Variants in ZNF568 observed in about 807,000 individuals in gnomAD.
The protein encoded by ZNF568 is zinc finger protein 568.
Under a neutral mutation model 18.1 loss-of-function variants are expected in ZNF568, and 11 were observed. That is an observed-to-expected ratio of 0.61 (90% confidence interval 0.38 to 1.00). The LOEUF (loss-of-function observed/expected upper bound fraction) is 1.00. Ranked by LOEUF, ZNF568 falls within the 50% of genes least tolerant of loss-of-function variation. ZNF568 has a pLI of 0.01. For synonymous variants in ZNF568, 213 were observed against 246.6 expected, an observed-to-expected ratio of 0.86 and a Z score of 1.28; for missense variants, 639 against 768.2, an observed-to-expected ratio of 0.83 and a Z score of 1.99.
chr19:36,995,164 G>A (rs137943998), intron 4 of ZNF568, among the ~76,000 whole-genome samples: 89 of 152,178 alleles, frequency 5.8e-4, no homozygotes, highest in African/African-American at 2.0e-3. Flanking sequence ...TTGGAAGGCC[G>A]AGGTGGGCAG....
intron 4 of ZNF568, among the ~76,000 whole-genome samples, chr19:36,995,860 C>T (rs2074465952): frequency 6.6e-6 from 1 of 152,120 alleles, no homozygotes; most frequent in South Asian, 2.1e-4. Context: ...CTATTATTGT[C>T]ATACAAATTA....
At chr19:36,997,142 G>A (rs1220418159) in exon 5 of ZNF568, 1 of 1,578,996 alleles carries the variant, frequency 6.3e-7, no homozygotes, top group East Asian at 2.3e-5. Flanking sequence ...TGCAGGGAGT[G>A]TGGAAAGGTG....
intron 6 of ZNF568, among the ~76,000 whole-genome samples, chr19:36,948,658 ATT>A (rs4069585): frequency 4.7e-4 from 39 of 83,562 alleles, no homozygotes; most frequent in South Asian, 3.6e-3. Flanking sequence ...TTTGTTGTTG[ATT>A]TTTTTTTTTT....
intron 2 of ZNF568, among the ~76,000 whole-genome samples, chr19:36,986,220 G>A (rs2595546): frequency 0.53 from 80,786 of 151,650 alleles, 21,998 homozygotes; most frequent in African/African-American, 0.61. Flanking sequence ...TTTTCCTAGC[G>A]GACCCTAGGA....
At chr19:36,996,258 A>G in intron 4 of ZNF568, 1 of 1,261,950 alleles carries the variant, frequency 7.9e-7, no homozygotes, top group South Asian at 1.6e-5. Context: ...TACTTTCAGG[A>G]CTTTTCTTTG....
intron 6 of ZNF568, among the ~76,000 whole-genome samples, chr19:36,968,150 C>A (rs931453174): frequency 6.6e-6 from 1 of 151,992 alleles, no homozygotes; most frequent in Non-Finnish European, 1.5e-5. Flanking sequence ...CCATAATATC[C>A]ATACATGGTA....
rs140144622 is a variant in ZNF568, at chr19:36,950,644, G to A, written c.1491G>A (p.Thr497=). The stretch of plus-strand genomic sequence containing the variant: ...TCATTCGACACCAGAGAATTCATAC[G>A]GGTGAGAAACCCTATGCATGTACAG... The part of the protein sequence containing the change: ...SNLIRHQRIH[T]GEKPYACTVC... Residue 497 remains threonine, a synonymous_variant, in exon 7 of 7, where the codon ACG becomes ACA. Coordinates refer to ENST00000333987, the MANE Select transcript of ZNF568 (RefSeq NM_198539.4). 0.025 allele frequency: 40,899 copies of A among 1,613,180 alleles called. 628 individuals are homozygous for A. Among genetic ancestry groups the A allele is most frequent in the Non-Finnish European group, 0.029 (34,148 of 1,179,764 alleles).
At chr19:36,941,925 CTA>C (rs1341642030) in intron 6 of ZNF568, among the ~76,000 whole-genome samples, 3 of 147,646 alleles carry the variant, frequency 2.0e-5, no homozygotes, top group Non-Finnish European at 4.5e-5. Context: ...CTTTTTTTAA[CTA>C]TCTCTTTTGT....
intron 2 of ZNF568, among the ~76,000 whole-genome samples, chr19:36,988,518 G>A (rs1568408740): frequency 6.6e-6 from 1 of 152,140 alleles, no homozygotes; most frequent in Non-Finnish European, 1.5e-5. Context: ...CAGGGAAGGT[G>A]CGGGACACTT....
In ZNF568 at chr19:36,949,628, G is replaced by T; in HGVS notation, c.475G>T (p.Ala159Ser). The T allele has an allele frequency of 6.2e-7, 1 of 1,613,704 alleles. No homozygotes were observed. Among genetic ancestry groups the T allele is most frequent in the Non-Finnish European group, 8.5e-7 (1 of 1,179,820 alleles). ...KEKVIECKKV[A>S]KIFPLSSDIV... ...AAAAGTCATTGAATGTAAAAAAGTT[G>T]CGAAAATATTTCCTCTGAGTTCAGA... The change falls in exon 7 of 7, where the codon GCG (alanine) becomes TCG (serine). Residue 159 changes from alanine (A) to serine (S), a missense_variant. Ala to Ser is a moderately conservative substitution (Grantham distance 99, BLOSUM62 1). Transcript: ENST00000333987.
At chr19:36,957,943 TC>T (rs2074120277) in intron 6 of ZNF568, among the ~76,000 whole-genome samples, 2 of 152,226 alleles carry the variant, frequency 1.3e-5, no homozygotes, top group Non-Finnish European at 2.9e-5. Flanking sequence ...TTGAGGAAGT[TC>T]CCTTTATTCC....
intron 6 of ZNF568, among the ~76,000 whole-genome samples, chr19:36,962,263 G>T (rs2074157593): frequency 1.2e-5 from 1 of 86,378 alleles, no homozygotes; most frequent in African/African-American, 4.0e-5. Context: ...TTTCATGATG[G>T]TAAGTGTTGC....
chr19:36,979,982 C>A (rs1168944373), downstream of ZNF568: 2 of 152,008 alleles, frequency 1.3e-5, no homozygotes. Flanking sequence ...TTGAGCCCCC[C>A]ACCCCCGCAA....
intron 6 of ZNF568, among the ~76,000 whole-genome samples, chr19:36,971,434 A>T (rs2074235158): frequency 6.6e-6 from 1 of 152,090 alleles, no homozygotes; most frequent in Non-Finnish European, 1.5e-5. Flanking sequence ...ATGAAATGTT[A>T]TAAGTAATGT....
chr19:36,935,227 A>G (rs1004384380), intron 4 of ZNF568, among the ~76,000 whole-genome samples: 2 of 151,928 alleles, frequency 1.3e-5, no homozygotes, highest in Admixed American at 6.6e-5. Flanking sequence ...TGAGTCTTCT[A>G]TTTTCTTGCT....
intron 1 of ZNF568, among the ~76,000 whole-genome samples, chr19:36,917,240 A>C (rs1193742658): frequency 6.6e-6 from 1 of 152,188 alleles, no homozygotes; most frequent in Non-Finnish European, 1.5e-5. Flanking sequence ...TCTCAGGCCA[A>C]AAGGACATTT....
chr19:36,951,307 A>G lies in ZNF568; in HGVS notation c.*219A>G. On this transcript the variant is annotated 3_prime_UTR_variant, in exon 7 of 7. Transcript: ENST00000333987. ...TAGACTGAATGCAGTTCCAAACAAA[A>G]TCAACTAAGAATTTTCTAGGATCTT... is the stretch of plus-strand genomic sequence containing the variant. The G allele has an allele frequency of 2.7e-6, 1 of 371,788 alleles. No individual in the cohort carries two copies. Among genetic ancestry groups the G allele is most frequent in the Non-Finnish European group, 4.7e-6 (1 of 212,916 alleles). 23.0% of individuals were successfully genotyped at this position (371,788 alleles called of 1,614,324 possible).
At chr19:36,993,247 T>C (rs1342433933) in intron 4 of ZNF568, among the ~76,000 whole-genome samples, 2 of 152,218 alleles carry the variant, frequency 1.3e-5, no homozygotes, top group Non-Finnish European at 2.9e-5. Flanking sequence ...TTTGATTACA[T>C]TGATAACTTT....
chr19:36,917,373 C>T (rs746884819), intron 1 of ZNF568, among the ~76,000 whole-genome samples: 6 of 152,190 alleles, frequency 3.9e-5, no homozygotes, highest in Non-Finnish European at 5.9e-5. Flanking sequence ...GCAAAGTTAC[C>T]TCGCAAAGAG....
Sources: gnomAD v4.1 joint callset for allele counts (sites outside exome capture counted in the v4.1 genomes callset) on GRCh38, gnomAD v4.1.1 for gene constraint, MANE v1.5 for transcripts, NCBI Gene and HGNC (gene_info 2026-07-23, HGNC 2026-07-21) for gene names.